The following CLVS2 variants were observed in gnomAD, a reference collection of about 807,000 sequenced individuals.
The protein encoded by CLVS2 is clavesin 2, also known as clavesin-2.
In CLVS2, 19 loss-of-function variants were observed where a neutral mutation model predicts 29.0. That is an observed-to-expected ratio of 0.66 (90% CI 0.46 to 0.96). The LOEUF (loss-of-function observed/expected upper bound fraction) is 0.96. CLVS2 is among the 40% of genes least tolerant of loss of function. CLVS2 has a pLI of 0.00. For synonymous variants in CLVS2, 161 were observed against 151.3 expected (o/e 1.06, Z -0.47); for missense variants, 294 against 404.1 (o/e 0.73, Z 2.34).
At chr6:123,017,906 A>G (rs1003493205) in intron 3 of CLVS2, among the ~76,000 whole-genome samples, 2 of 152,090 alleles carry the variant, frequency 1.3e-5, no homozygotes, top group Non-Finnish European at 2.9e-5. Context: ...CAAAAAGTAA[A>G]ATAGAGAAAT....
chr6:123,024,007 G>A (rs922303657), intron 3 of CLVS2, among the ~76,000 whole-genome samples: 12 of 152,094 alleles, frequency 7.9e-5, no homozygotes, highest in African/African-American at 2.9e-4. Context: ...GAGAATGTAA[G>A]TAAACTTATG....
At chr6:123,014,388 C>G (rs1372220979) in intron 3 of CLVS2, among the ~76,000 whole-genome samples, 1 of 151,788 alleles carries the variant, frequency 6.6e-6, no homozygotes, top group Non-Finnish European at 1.5e-5. Flanking sequence ...CACCATATAC[C>G]TTGTATAAAG....
chr6:123,004,639 A>G (rs1774636861), intron 2 of CLVS2, among the ~76,000 whole-genome samples: 1 of 152,160 alleles, frequency 6.6e-6, no homozygotes. Flanking sequence ...CAGGCCAGGC[A>G]CGGTGGCTCA....
chr6:123,052,690 G>C (rs1376007277), intron 4 of CLVS2, among the ~76,000 whole-genome samples: 2 of 152,114 alleles, frequency 1.3e-5, no homozygotes, highest in Non-Finnish European at 2.9e-5. Context: ...ATGATGAGGG[G>C]AGTAAAGGGC....
rs76673810 is a variant in CLVS2 at position 123,028,458 on chromosome 6, G to A, written c.564+17299G>A. ...GCGGATTGCTTGAGCCCAAAAGTCC[G>A]AGACCAGCCTGGGCAGCATAGTGAG... On this transcript the variant is annotated intron_variant, in intron 3 of 5. Transcript: ENST00000275162. Among the ~76,000 whole-genome samples, 77 of 152,262 alleles carry A rather than the reference G, an allele frequency of 5.1e-4. 2 individuals are homozygous for A. The East Asian group carries it at 0.013, about 25-fold the overall frequency.
At chr6:123,038,303 A>T (rs909031926) in intron 3 of CLVS2, among the ~76,000 whole-genome samples, 1 of 152,124 alleles carries the variant, frequency 6.6e-6, no homozygotes, top group Non-Finnish European at 1.5e-5. Context: ...TATGTTACTT[A>T]TTCTCTACCA....
intron 3 of CLVS2, among the ~76,000 whole-genome samples, chr6:123,025,624 A>C (rs1342948270): frequency 6.6e-6 from 1 of 152,164 alleles, no homozygotes. Context: ...GCTCAAGCTG[A>C]GTCCTTCTCC....
At chr6:123,041,559 G>T (rs1038888127) in intron 3 of CLVS2, among the ~76,000 whole-genome samples, 1 of 152,192 alleles carries the variant, frequency 6.6e-6, no homozygotes, top group South Asian at 2.1e-4. Flanking sequence ...TTCCCTTAAA[G>T]GAGAGTGACA....
chr6:123,006,185 C>T (rs535742209), intron 2 of CLVS2, among the ~76,000 whole-genome samples: 6 of 152,202 alleles, frequency 3.9e-5, no homozygotes, highest in African/African-American at 1.2e-4. Context: ...GAGGGCAGAA[C>T]TTAGGTGAGG....
chr6:123,030,673 TG>T (rs1483493387), intron 3 of CLVS2, among the ~76,000 whole-genome samples: 3 of 152,048 alleles, frequency 2.0e-5, no homozygotes, highest in Non-Finnish European at 4.4e-5. Flanking sequence ...TTTTTCTTCA[TG>T]TTAATATCTG....
rs1291514145 is a variant in CLVS2, at chr6:123,066,167, C to A, written c.*2406C>A. The A allele has an allele frequency of 6.6e-6, 1 of 151,694 alleles. No individual in the cohort carries two copies. The highest frequency in any genetic ancestry group is 1.5e-5 in the Non-Finnish European group (1 of 67,736). The allele number at this position is 151,694 out of a possible 1,614,324, so 9.4% of individuals were successfully genotyped here. A position where few individuals can be genotyped will look rare whatever the true frequency, so the allele number is the denominator to read the frequency against. ...TTGTGAACCTTAGTCAAGGGATATT[C>A]ATTCAACTTTATAAATTTACCCCTC... is the stretch of plus-strand genomic sequence containing the variant. On this transcript the variant is annotated 3_prime_UTR_variant, in exon 6 of 6. Transcript: ENST00000275162.
rs531146005 is a variant in CLVS2, at chr6:122,998,256, T to C, written c.389+90T>C. 16 of 1,416,926 alleles carry C rather than the reference T, an allele frequency of 1.1e-5. No homozygotes were observed. In the South Asian group the frequency reaches 1.8e-4, roughly 16 times the overall value. 87.8% of individuals were successfully genotyped at this position (1,416,926 alleles called of 1,614,324 possible). A position where few individuals can be genotyped will look rare whatever the true frequency, so the allele number is the denominator to read the frequency against. The stretch of plus-strand genomic sequence containing the variant: ...TAGTGTCATGGTTTTGTAGATTTGA[T>C]ATTTTTGTTTATTTGGCTTGGAGAA... On this transcript the variant is annotated intron_variant, in intron 2 of 5. Coordinates refer to ENST00000275162, the MANE Select transcript of CLVS2 (RefSeq NM_001010852.4).
chr6:122,997,521 A>C lies in CLVS2; in HGVS notation c.-257A>C. ...TTCACATCTCTTTAAAGGAAAGGAA[A>C]GAGGGAGCCAAAGTAGGGTGTTGTA... On this transcript the variant is annotated 5_prime_UTR_variant, in exon 2 of 6. Coordinates refer to ENST00000275162, the MANE Select transcript of CLVS2 (RefSeq NM_001010852.4). 1.9e-6 allele frequency: 1 copy of C among 538,210 alleles called. No individual in the cohort carries two copies. Among genetic ancestry groups the C allele is most frequent in the Non-Finnish European group, 3.4e-6 (1 of 293,620 alleles). The allele number at this position is 538,210 out of a possible 1,614,324, so 33.3% of individuals were successfully genotyped here. A position where few individuals can be genotyped will look rare whatever the true frequency, so the allele number is the denominator to read the frequency against.
chr6:123,063,597 A>G, intron 5 of CLVS2, 77 bp from the exon 6 acceptor site: 1 of 788,860 alleles, frequency 1.3e-6, no homozygotes, highest in Non-Finnish European at 2.2e-6. Context: ...GGGAGAAGTA[A>G]TGACAAAAAG....
At chr6:123,031,208 T>TGAG (rs1191527782) in intron 3 of CLVS2, among the ~76,000 whole-genome samples, 1 of 152,114 alleles carries the variant, frequency 6.6e-6, no homozygotes, top group Non-Finnish European at 1.5e-5. Context: ...TGGGTTCAAG[T>TGAG]GATCCTCCCT....
Position 123,065,544 on chromosome 6 carries a change from C to T in CLVS2, c.*1783C>T, listed in dbSNP as rs1772841214. 1 of 151,848 alleles carries T rather than the reference C, an allele frequency of 6.6e-6. No individual in the cohort carries two copies. The highest frequency in any genetic ancestry group is 2.4e-5 in the African/African-American group (1 of 41,410). The allele number at this position is 151,848 out of a possible 1,614,324, so 9.4% of individuals were successfully genotyped here. A position where few individuals can be genotyped will look rare whatever the true frequency, so the allele number is the denominator to read the frequency against. On this transcript the variant is annotated 3_prime_UTR_variant, in exon 6 of 6. Coordinates refer to ENST00000275162, the MANE Select transcript of CLVS2 (RefSeq NM_001010852.4). ...CCAGTCAAGTGCAGAAGAATAATGA[C>T]TGTCAGGCACTCTGCTCTCCTTGTG... is the stretch of plus-strand genomic sequence containing the variant.
At chr6:123,013,096 G>A (rs1333885764) in intron 3 of CLVS2, among the ~76,000 whole-genome samples, 1 of 151,992 alleles carries the variant, frequency 6.6e-6, no homozygotes, top group Non-Finnish European at 1.5e-5. Context: ...ATGTTCCGTT[G>A]TGACATGCAT....
At chr6:123,036,322 A>G (rs1775153471) in intron 3 of CLVS2, among the ~76,000 whole-genome samples, 1 of 152,184 alleles carries the variant, frequency 6.6e-6, no homozygotes, top group African/African-American at 2.4e-5. Flanking sequence ...AAGGAGGAAG[A>G]ATTCTACTCA....
In CLVS2 at chr6:123,006,912, G is replaced by A. The variant is rs142750628; in HGVS notation, c.390-4073G>A. 3.8e-4 allele frequency among the ~76,000 whole-genome samples: 58 copies of A among 152,274 alleles called. No homozygotes were observed. In the East Asian group the frequency reaches 4.6e-3, roughly 12 times the overall value. On this transcript the variant is annotated intron_variant, in intron 2 of 5. Coordinates refer to ENST00000275162, the MANE Select transcript of CLVS2 (RefSeq NM_001010852.4). ...CAAAGTCTTATTTCTACATTTGGAT[G>A]ATCGCAGCAGGGAACCAAAGATGAA...
Sources: allele counts gnomAD v4.1 joint callset (sites outside exome capture counted in the v4.1 genomes callset), GRCh38; gene constraint gnomAD v4.1.1; transcripts MANE v1.5; gene names NCBI Gene and HGNC (gene_info 2026-07-23, HGNC 2026-07-21).